The following PDZK1 variants were observed in gnomAD, a reference collection of about 807,000 sequenced individuals.
PDZK1 encodes Na(+)/H(+) exchange regulatory cofactor NHE-RF3.
A neutral mutation model predicts 38.1 loss-of-function variants in PDZK1; 23 were observed. The observed-to-expected ratio is 0.60, with a 90% CI of 0.43 to 0.85. The LOEUF (loss-of-function observed/expected upper bound fraction) is 0.85. Among genes scored for constraint, PDZK1 ranks in the 40% least tolerant of loss-of-function variants. The probability of loss-of-function intolerance (pLI) is 0.00; values close to 1 mark genes in which losing one functional copy is unlikely to be tolerated. For missense variants in PDZK1, 297 were observed against 504.3 expected (o/e 0.59, Z 3.94); for synonymous variants, 98 against 186.2 (o/e 0.53, Z 3.86).
At chr1:145,692,621 G>C (rs1023777995) in intron 1 of PDZK1, among the ~76,000 whole-genome samples, 1 of 151,648 alleles carries the variant, frequency 6.6e-6, no homozygotes, top group Admixed American at 6.6e-5. Flanking sequence ...TGGGGAAGGG[G>C]AATCGCTTGG....
At chr1:145,688,136 G>T in intron 1 of PDZK1, 113 bp from the exon 2 acceptor site, 1 of 899,734 alleles carries the variant, frequency 1.1e-6, no homozygotes, top group Non-Finnish European at 1.8e-6. Context: ...AATCTAGACT[G>T]CTTGGGTAGT....
chr1:145,701,775 C>T (rs1282670195), intron 1 of PDZK1, among the ~76,000 whole-genome samples: 1 of 152,210 alleles, frequency 6.6e-6, no homozygotes, highest in Non-Finnish European at 1.5e-5. Context: ...TGAGCTGCTA[C>T]TGACAGATGT....
intron 1 of PDZK1, among the ~76,000 whole-genome samples, chr1:145,692,370 T>C (rs1204683517): frequency 2.0e-5 from 3 of 152,208 alleles, no homozygotes; most frequent in Non-Finnish European, 4.4e-5. Context: ...GAGCTGTTCC[T>C]GAGTGCTCTT....
chr1:145,686,171 C>T lies in PDZK1; in HGVS notation c.460+306G>A, dbSNP rs587771207. ...ACCCTAAGAGGGCTAGAAGCATCAA[C>T]CCTCTGGCCCCCTGACCTCAAAGAG... On this transcript the variant is annotated intron_variant, in intron 3 of 8. Coordinates refer to ENST00000417171, the MANE Select transcript of PDZK1 (RefSeq NM_001201325.2). Among the ~76,000 whole-genome samples the T allele has an allele frequency of 1.2e-4, 18 of 152,256 alleles. No individual in the cohort carries two copies. In the South Asian group the frequency reaches 3.7e-3, roughly 32 times the overall value.
intron 1 of PDZK1, among the ~76,000 whole-genome samples, chr1:145,701,695 A>G (rs983434277): frequency 6.6e-6 from 1 of 152,168 alleles, no homozygotes; most frequent in Admixed American, 6.5e-5. Flanking sequence ...GGCCTCCTTC[A>G]GAGCCTGCCA....
At chr1:145,690,747 A>G (rs1655178019) in intron 1 of PDZK1, among the ~76,000 whole-genome samples, 1 of 152,194 alleles carries the variant, frequency 6.6e-6, no homozygotes, top group African/African-American at 2.4e-5. Flanking sequence ...AAACCTCCTC[A>G]CTAGGAGAAC....
chr1:145,693,573 T>G (rs1371873053), intron 1 of PDZK1, among the ~76,000 whole-genome samples: 4 of 151,786 alleles, frequency 2.6e-5, no homozygotes, highest in South Asian at 2.1e-4. Context: ...AGGAGATCGA[T>G]ACCATCCTGG....
At chr1:145,685,484 G>C (rs1187622612) in intron 3 of PDZK1, among the ~76,000 whole-genome samples, 1 of 151,954 alleles carries the variant, frequency 6.6e-6, no homozygotes, top group Admixed American at 6.6e-5. Context: ...CTGATAATAG[G>C]CTTCTAAGAC....
intron 2 of PDZK1, among the ~76,000 whole-genome samples, chr1:145,687,450 G>T (rs1300104569): frequency 6.7e-6 from 1 of 148,734 alleles, no homozygotes; most frequent in Non-Finnish European, 1.5e-5. Flanking sequence ...GCATGAACCC[G>T]GGAGGTAGAG....
At chr1:145,679,911 G>A (rs1163826613) in intron 5 of PDZK1, among the ~76,000 whole-genome samples, 22 of 152,250 alleles carry the variant, frequency 1.4e-4, no homozygotes, top group Non-Finnish European at 2.6e-4. Context: ...CACATCATGT[G>A]CCAATTAAAC....
intron 1 of PDZK1, among the ~76,000 whole-genome samples, chr1:145,693,397 A>G (rs781929124): frequency 2.6e-5 from 4 of 152,172 alleles, no homozygotes; most frequent in Non-Finnish European, 5.9e-5. Flanking sequence ...AGATTTAGAA[A>G]AATCGATGCT....
In PDZK1 at chr1:145,701,814, C is replaced by G. The variant is rs184509475; in HGVS notation, c.-3+5503G>C. ...TAGCAAGGAAGAGATAAAGACAACT[C>G]AATTTCACCCTTCTTCAAATATATT... On this transcript the variant is annotated intron_variant, in intron 1 of 8. Transcript: ENST00000417171. Among the ~76,000 whole-genome samples the G allele has an allele frequency of 2.2e-4, 34 of 152,310 alleles. No homozygotes were observed. In the East Asian group the frequency reaches 5.8e-3, roughly 26 times the overall value.
Position 145,678,609 on chromosome 1 carries a change from G to C in PDZK1, c.830C>G (p.Ala277Gly). 1 of 480,972 alleles carries C rather than the reference G, an allele frequency of 2.1e-6. No homozygotes were observed. Among genetic ancestry groups the C allele is most frequent in the East Asian group, 6.3e-5 (1 of 15,778 alleles). 29.8% of individuals were successfully genotyped at this position (480,972 alleles called of 1,614,324 possible). A position where few individuals can be genotyped will look rare whatever the true frequency, so the allele number is the denominator to read the frequency against. ...IIKDIDSGSP[A>G]EEAGLKNNDL... ...ATTGTTCTTCAAGCCAGCCTCCTCT[G>C]CTGGACTTCCAGAATCTATGTCCTT... The change falls in exon 6 of 9, where the codon GCA (alanine) becomes GGA (glycine). Residue 277 changes from alanine to glycine, a missense_variant. By Grantham distance (60) the Ala-to-Gly change is moderately conservative. Coordinates refer to ENST00000417171, the MANE Select transcript of PDZK1 (RefSeq NM_001201325.2).
At chr1:145,694,063 C>G (rs1409523133) in intron 1 of PDZK1, among the ~76,000 whole-genome samples, 1 of 152,174 alleles carries the variant, frequency 6.6e-6, no homozygotes, top group Non-Finnish European at 1.5e-5. Flanking sequence ...CCTCCCTCCC[C>G]AAGTTCTAGT....
rs1241568850 is a variant in PDZK1, at chr1:145,671,253, T to C, written c.*183A>G. On this transcript the variant is annotated 3_prime_UTR_variant, in exon 9 of 9. Transcript: ENST00000417171. ...CTAAGTTAAGCATAAATTAGCCGTC[T>C]GCAATAGCCGCCTGTAAGACAAATG... 8.6e-6 allele frequency: 10 copies of C among 1,166,604 alleles called. No homozygotes were observed. Among genetic ancestry groups the C allele is most frequent in the Non-Finnish European group, 1.0e-5 (9 of 871,958 alleles). The allele number at this position is 1,166,604 out of a possible 1,614,324, so 72.3% of individuals were successfully genotyped here. A position where few individuals can be genotyped will look rare whatever the true frequency, so the allele number is the denominator to read the frequency against.
At chr1:145,684,207 C>CTTTT (rs1162290584) in intron 3 of PDZK1, among the ~76,000 whole-genome samples, 3 of 120,086 alleles carry the variant, frequency 2.5e-5, no homozygotes, top group African/African-American at 3.3e-5. Flanking sequence ...GCATTTTTGG[C>CTTTT]TTTTTTTTTT....
At chr1:145,689,586 C>T (rs1655072836) in intron 1 of PDZK1, among the ~76,000 whole-genome samples, 1 of 152,152 alleles carries the variant, frequency 6.6e-6, no homozygotes, top group Admixed American at 6.6e-5. Context: ...AGAACAGGGG[C>T]CAGAACAGCA....
chr1:145,688,491 C>T (rs1224106806), intron 1 of PDZK1, among the ~76,000 whole-genome samples: 2 of 152,076 alleles, frequency 1.3e-5, no homozygotes, highest in African/African-American at 4.8e-5. Context: ...TATAACCACA[C>T]GTGGTGAGTG....
At chr1:145,676,071 G>T in intron 6 of PDZK1, 1 of 184,704 alleles carries the variant, frequency 5.4e-6, no homozygotes, top group Non-Finnish European at 1.0e-5. Flanking sequence ...TGGGTGTCTA[G>T]TATGTGCCAG....
Sources: allele counts gnomAD v4.1 joint callset (sites outside exome capture counted in the v4.1 genomes callset), GRCh38; gene constraint gnomAD v4.1.1; transcripts MANE v1.5; gene names NCBI Gene and HGNC (gene_info 2026-07-23, HGNC 2026-07-21).